MACROH2A2: variants seen among roughly 807,000 people sequenced by gnomAD.
MACROH2A2 encodes macroH2A.2 histone.
In MACROH2A2, 6 loss-of-function variants were observed where a neutral mutation model predicts 37.6. The observed-to-expected ratio is 0.16, with a 90% CI of 0.09 to 0.32. The LOEUF (loss-of-function observed/expected upper bound fraction) is 0.32. MACROH2A2 is among the 10% of genes least tolerant of loss of function. MACROH2A2 has a pLI of 1.00. For missense variants in MACROH2A2, 290 were observed against 485.9 expected, an observed-to-expected ratio of 0.60 and a Z score of 3.79; for synonymous variants, 192 against 202.7, an observed-to-expected ratio of 0.95 and a Z score of 0.45.
intron 2 of MACROH2A2, among the ~76,000 whole-genome samples, chr10:70,083,982 T>C (rs1278200440): frequency 6.6e-6 from 1 of 151,864 alleles, no homozygotes; most frequent in Admixed American, 6.6e-5. Context: ...TGATAGTAGA[T>C]ATTGAGAAGG....
At chr10:70,091,013 G>A (rs936910337) in intron 3 of MACROH2A2, among the ~76,000 whole-genome samples, 3 of 152,202 alleles carry the variant, frequency 2.0e-5, no homozygotes, top group African/African-American at 7.2e-5. Context: ...TGATTGGGAG[G>A]AGCATGGCCA....
chr10:70,072,708 C>T (rs1447533844), intron 1 of MACROH2A2, among the ~76,000 whole-genome samples: 1 of 152,022 alleles, frequency 6.6e-6, no homozygotes, highest in Admixed American at 6.6e-5. Flanking sequence ...TGTAATCCCA[C>T]CACTTTGGGA....
intron 2 of MACROH2A2, among the ~76,000 whole-genome samples, chr10:70,083,143 C>T (rs139452237): frequency 1.9e-4 from 29 of 152,180 alleles, no homozygotes; most frequent in African/African-American, 3.6e-4. Flanking sequence ...GCTGAGCCCC[C>T]GGGGTCTCCA....
At chr10:70,106,691 G>T (rs993522878) in intron 7 of MACROH2A2, among the ~76,000 whole-genome samples, 2 of 151,648 alleles carry the variant, frequency 1.3e-5, no homozygotes, top group African/African-American at 4.9e-5. Flanking sequence ...CCAGCCACTT[G>T]GGAAGCTGAG....
intron 2 of MACROH2A2, among the ~76,000 whole-genome samples, chr10:70,087,023 T>G (rs1452759588): frequency 6.6e-6 from 1 of 152,010 alleles, no homozygotes; most frequent in African/African-American, 2.4e-5. Context: ...AAACCCTGTC[T>G]CTACAAAAAA....
At chr10:70,063,767 C>T (rs2072062565) in intron 1 of MACROH2A2, among the ~76,000 whole-genome samples, 1 of 152,136 alleles carries the variant, frequency 6.6e-6, no homozygotes, top group South Asian at 2.1e-4. Context: ...ATAAAATAAA[C>T]AATAACAAAG....
intron 2 of MACROH2A2, among the ~76,000 whole-genome samples, chr10:70,089,685 G>A (rs545229412): frequency 5.9e-5 from 9 of 152,222 alleles, no homozygotes; most frequent in South Asian, 2.1e-4. Flanking sequence ...CCACAGGATC[G>A]GATAACATCT....
intron 5 of MACROH2A2, among the ~76,000 whole-genome samples, chr10:70,095,139 C>T (rs1035766695): frequency 3.3e-5 from 5 of 152,104 alleles, no homozygotes; most frequent in African/African-American, 9.7e-5. Context: ...GAGGCAGAGG[C>T]GGGTGGATCA....
intron 4 of MACROH2A2, among the ~76,000 whole-genome samples, chr10:70,092,882 A>C (rs373507288): frequency 2.6e-5 from 4 of 152,290 alleles, no homozygotes; most frequent in African/African-American, 9.6e-5. Context: ...GGTGTTTGGC[A>C]TATACTTGAT....
At chr10:70,080,050 C>T (rs977391515) in intron 2 of MACROH2A2, among the ~76,000 whole-genome samples, 5 of 152,088 alleles carry the variant, frequency 3.3e-5, no homozygotes, top group African/African-American at 9.7e-5. Flanking sequence ...GATGCAGAAG[C>T]GGGCAGATCA....
rs11554214 is a variant in MACROH2A2 at position 70,112,209 on chromosome 10, G to A, written c.*526G>A. On this transcript the variant is annotated 3_prime_UTR_variant, in exon 9 of 9. Transcript: ENST00000373255. ...AAGGTTTTGATTCAGGCTTTTTTTT[G>A]GTTTCATTTTGTTTTTTTAAGAAAA... 1.4e-5 allele frequency: 2 copies of A among 146,644 alleles called. No homozygotes were observed. The highest frequency in any genetic ancestry group is 5.1e-5 in the African/African-American group (2 of 39,554). The allele number at this position is 146,644 out of a possible 1,614,324, so 9.1% of individuals were successfully genotyped here.
chr10:70,079,674 A>T (rs1443255749), intron 2 of MACROH2A2, among the ~76,000 whole-genome samples: 2 of 93,820 alleles, frequency 2.1e-5, no homozygotes, highest in African/African-American at 1.0e-4. Context: ...GGTAGAGATC[A>T]GTTGTCAAGG....
At chr10:70,061,726 G>T (rs1477030644) in intron 1 of MACROH2A2, among the ~76,000 whole-genome samples, 1 of 152,200 alleles carries the variant, frequency 6.6e-6, no homozygotes, top group Admixed American at 6.5e-5. Context: ...AAAAGGGAAT[G>T]ATTTGTTATC....
chr10:70,110,232 C>T (rs1315755804), intron 8 of MACROH2A2, among the ~76,000 whole-genome samples: 1 of 152,186 alleles, frequency 6.6e-6, no homozygotes, highest in Non-Finnish European at 1.5e-5. Flanking sequence ...CCCCTAACGA[C>T]CATTCTGGCT....
intron 2 of MACROH2A2, among the ~76,000 whole-genome samples, chr10:70,082,036 A>G (rs892569482): frequency 1.3e-5 from 2 of 152,244 alleles, no homozygotes; most frequent in Non-Finnish European, 2.9e-5. Context: ...CACTGTGGAT[A>G]ACAGTTTGAT....
At chr10:70,101,063 G>C (rs543662094) in intron 7 of MACROH2A2, among the ~76,000 whole-genome samples, 5 of 152,270 alleles carry the variant, frequency 3.3e-5, no homozygotes, top group Admixed American at 6.5e-5. Context: ...CAGGTCATGG[G>C]GGTGACAAAG....
At chr10:70,069,502 G>A (rs1589831997) in intron 1 of MACROH2A2, among the ~76,000 whole-genome samples, 1 of 152,262 alleles carries the variant, frequency 6.6e-6, no homozygotes, top group African/African-American at 2.4e-5. Flanking sequence ...TAGCCCACGT[G>A]CATCTGGGAA....
Position 70,053,533 on chromosome 10 carries a change from G to C in MACROH2A2, c.-60+533G>C, listed in dbSNP as rs1361394984. On this transcript the variant is annotated intron_variant, in intron 1 of 8. Transcript: ENST00000373255. The surrounding 1 kb of genome is among the most constrained non-coding windows in gnomAD (Gnocchi z 4.8). The stretch of plus-strand genomic sequence containing the variant: ...TCCAGGCTGACAATGGAGGGGGCGC[G>C]GAGCAGCCGGGCGGAGGTTAGGGAC... Among the ~76,000 whole-genome samples, 1 of 151,916 alleles carries C rather than the reference G, an allele frequency of 6.6e-6. No individual in the cohort carries two copies. Among genetic ancestry groups the C allele is most frequent in the East Asian group, 2.0e-4 (1 of 5,108 alleles).
chr10:70,093,871 A>G (rs2072260502), intron 5 of MACROH2A2, 26 bp downstream of exon 5: 2 of 1,172,844 alleles, frequency 1.7e-6, no homozygotes, highest in Admixed American at 3.4e-5. Context: ...GCCTTGTGCT[A>G]TATTAAAACA....
Sources: gnomAD v4.1 joint callset for allele counts (sites outside exome capture counted in the v4.1 genomes callset) on GRCh38, gnomAD v4.1.1 for gene constraint, Gnocchi (gnomAD v3.1) non-coding constraint, MANE v1.5 for transcripts, NCBI Gene and HGNC (gene_info 2026-07-23, HGNC 2026-07-21) for gene names.